KIF14: variants seen among roughly 807,000 people sequenced by gnomAD.
KIF14 encodes kinesin-like protein KIF14.
In KIF14, 98 loss-of-function variants were observed where a neutral mutation model predicts 176.2. That is an observed-to-expected ratio of 0.56 (90% CI 0.47 to 0.66). The LOEUF is 0.66. Among genes scored for constraint, KIF14 ranks in the 30% least tolerant of loss-of-function variants. KIF14 has a pLI of 0.00. For synonymous variants in KIF14, 566 were observed against 632.2 expected (o/e 0.90, Z 1.57); for missense variants, 1,751 against 1,920.4 (o/e 0.91, Z 1.65).
At chr1:200,581,765 T>C (rs888088862) in intron 19 of KIF14, among the ~76,000 whole-genome samples, 2 of 142,980 alleles carry the variant, frequency 1.4e-5, no homozygotes, top group East Asian at 2.0e-4. Context: ...ACTTTCCTTT[T>C]TTTTTTTTTT....
At chr1:200,596,122 C>T (rs1400502329) in intron 14 of KIF14, among the ~76,000 whole-genome samples, 1 of 151,742 alleles carries the variant, frequency 6.6e-6, no homozygotes, top group East Asian at 1.9e-4. Context: ...GGCGTGGTAA[C>T]AGACATCTGC....
intron 27 of KIF14, among the ~76,000 whole-genome samples, chr1:200,557,244 C>A (rs767158392): frequency 2.0e-5 from 3 of 152,106 alleles, no homozygotes; most frequent in Admixed American, 6.6e-5. Context: ...TCTCGTGATC[C>A]GCCCACCTTG....
chr1:200,608,984 C>T, intron 4 of KIF14, 56 bp from the exon 5 acceptor site: 2 of 1,006,434 alleles, frequency 2.0e-6, no homozygotes, highest in Non-Finnish European at 3.0e-6. Context: ...CAAATCATAT[C>T]TGTGGTTAGG....
intron 12 of KIF14, 50 bp from the exon 13 acceptor site, chr1:200,600,163 A>AG (rs1165462011): frequency 7.3e-7 from 1 of 1,363,210 alleles, no homozygotes; most frequent in African/African-American, 1.5e-5. Flanking sequence ...CAGATGTATA[A>AG]GATTGAGAGT....
chr1:200,610,349 A>T (rs1477783689), intron 4 of KIF14, among the ~76,000 whole-genome samples: 1 of 151,874 alleles, frequency 6.6e-6, no homozygotes, highest in East Asian at 1.9e-4. Context: ...ACAAAATACA[A>T]AATACAAAAA....
rs936897839 is a variant in KIF14 at position 200,589,278 on chromosome 1, A to G, written c.3053T>C (p.Leu1018Pro). Residue 1018 changes from leucine (L) to proline (P), a missense_variant, in exon 18 of 30, where the codon CTT becomes CCT. Physicochemically the swap from Leu to Pro is moderately conservative, Grantham distance 98. Transcript: ENST00000367350. ...IEELEKAKQHLEQEIYVNKKR... is the reference protein window; with the variant it reads ...IEELEKAKQHPEQEIYVNKKR... ...TTTGTTGACATATATTTCCTGTTCAAGATGCTGCTTTGCCTTTTCTAATTC... is the reference window on the plus strand; with the variant it reads ...TTTGTTGACATATATTTCCTGTTCAGGATGCTGCTTTGCCTTTTCTAATTC... 1.2e-6 allele frequency: 2 copies of G among 1,611,974 alleles called. No homozygotes were observed. The highest frequency in any genetic ancestry group is 2.7e-5 in the African/African-American group (2 of 74,864).
chr1:200,607,730 T>C (rs1170329723), intron 5 of KIF14, among the ~76,000 whole-genome samples: 3 of 151,660 alleles, frequency 2.0e-5, no homozygotes, highest in African/African-American at 7.3e-5. Context: ...TGAAATGGAG[T>C]CTTGCTCTGT....
intron 19 of KIF14, 62 bp from the exon 20 acceptor site, chr1:200,581,356 G>T (rs1031291916): frequency 2.5e-6 from 2 of 816,188 alleles, no homozygotes; most frequent in Non-Finnish European, 3.8e-6. Context: ...TATACCATTA[G>T]GCAAAACAAT....
In KIF14 at chr1:200,618,742, T is replaced by A; in HGVS notation, c.-19A>T. 1 of 1,561,482 alleles carries A rather than the reference T, an allele frequency of 6.4e-7. No homozygotes were observed. On this transcript the variant is annotated 5_prime_UTR_variant, in exon 2 of 30. The change creates a premature stop within an existing upstream ORF in the 5' untranslated region. Transcript: ENST00000367350. ...ATGACATTTTGGCAGACAGTTATTTTAAAAAAGAATGTTACTAAGACCCTA... is the reference window on the plus strand; with the variant it reads ...ATGACATTTTGGCAGACAGTTATTTAAAAAAAGAATGTTACTAAGACCCTA...
intron 5 of KIF14, among the ~76,000 whole-genome samples, chr1:200,607,741 C>G (rs1414693892): frequency 1.3e-5 from 2 of 151,986 alleles, no homozygotes; most frequent in African/African-American, 4.8e-5. Context: ...CTTGCTCTGT[C>G]GCCAGGCTGG....
At chr1:200,590,064 G>T (rs1658973422) in intron 17 of KIF14, 61 bp downstream of exon 17, 2 of 1,511,970 alleles carry the variant, frequency 1.3e-6, no homozygotes, top group Non-Finnish European at 8.9e-7. Context: ...AACTTTATAG[G>T]CAACACATCA....
chr1:200,611,530 C>T (rs368228657), intron 4 of KIF14, among the ~76,000 whole-genome samples: 12 of 152,100 alleles, frequency 7.9e-5, no homozygotes, highest in East Asian at 1.9e-4. Context: ...TCAATAAACA[C>T]GTAATAATGC....
chr1:200,618,439 T>C lies in KIF14; in HGVS notation c.285A>G (p.Thr95=). 6.2e-7 allele frequency: 1 copy of C among 1,614,206 alleles called. No individual in the cohort carries two copies. The highest frequency in any genetic ancestry group is 8.5e-7 in the Non-Finnish European group (1 of 1,180,016). Residue 95 remains threonine (T), a synonymous_variant, in exon 2 of 30, where the codon ACA becomes ACG. Coordinates refer to ENST00000367350, the MANE Select transcript of KIF14 (RefSeq NM_014875.3). ...CAAGCAAAGATGATTCTTTGTTCCTTGTAGTTCTCCTCTGAAGTGCCAATC... is the reference window on the plus strand; with the variant it reads ...CAAGCAAAGATGATTCTTTGTTCCTCGTAGTTCTCCTCTGAAGTGCCAATC... ...VGRLALQRRT[T]RNKESSLLVS...
intron 16 of KIF14, among the ~76,000 whole-genome samples, chr1:200,591,059 C>A (rs997791037): frequency 2.6e-5 from 4 of 151,038 alleles, no homozygotes; most frequent in South Asian, 2.1e-4. Flanking sequence ...AAAAAAAAAA[C>A]CACAAAACAA....
chr1:200,591,985 C>G, intron 16 of KIF14, 95 bp downstream of exon 16: 1 of 1,038,674 alleles, frequency 9.6e-7, no homozygotes, highest in Non-Finnish European at 1.4e-6. Flanking sequence ...AAACCAGCAC[C>G]CAAAGAGTTA....
rs778340978 is a variant in KIF14, at chr1:200,598,383, T to C, written c.2403A>G (p.Pro801=). 1.2e-6 allele frequency: 2 copies of C among 1,609,278 alleles called. No homozygotes were observed. The highest frequency in any genetic ancestry group is 8.5e-7 in the Non-Finnish European group (1 of 1,178,828). The change falls in exon 14 of 30, where the codon CCA becomes CCG. Residue 801 remains proline, a synonymous_variant. Coordinates refer to ENST00000367350, the MANE Select transcript of KIF14 (RefSeq NM_014875.3). ...GATCTTCATTCAGATTAACAAGGTT[T>C]GGTAAATGATTGTCCATTTGAAACA... is the stretch of plus-strand genomic sequence containing the variant. ...GIMFQMDNHL[P]NLVNLNEDPQ...
Position 200,589,276 on chromosome 1 carries a change from C to G in KIF14, c.3055G>C (p.Glu1019Gln). Residue 1019 changes from glutamate to glutamine, a missense_variant, in exon 18 of 30, where the codon GAA (glutamate) becomes CAA (glutamine). By Grantham distance (29) the Glu-to-Gln change is conservative. Coordinates refer to ENST00000367350, the MANE Select transcript of KIF14 (RefSeq NM_014875.3). ...TTTTTGTTGACATATATTTCCTGTT[C>G]AAGATGCTGCTTTGCCTTTTCTAAT... The part of the protein sequence containing the change: ...EELEKAKQHL[E>Q]QEIYVNKKRL... The G allele has an allele frequency of 1.2e-6, 2 of 1,611,880 alleles. No individual in the cohort carries two copies. Among genetic ancestry groups the G allele is most frequent in the Non-Finnish European group, 1.7e-6 (2 of 1,178,518 alleles).
chr1:200,601,128 C>T (rs939835824), intron 11 of KIF14, among the ~76,000 whole-genome samples: 6 of 152,150 alleles, frequency 3.9e-5, no homozygotes, highest in African/African-American at 1.4e-4. Context: ...AGTAGTCCGC[C>T]TGCGTTAGCC....
At chr1:200,567,158 C>G (rs1316527721) in intron 23 of KIF14, among the ~76,000 whole-genome samples, 2 of 144,472 alleles carry the variant, frequency 1.4e-5, no homozygotes, top group African/African-American at 2.6e-5. Flanking sequence ...GCAAAAAGAG[C>G]GAAACTCTGT....
Sources: gnomAD v4.1 joint callset for allele counts (sites outside exome capture counted in the v4.1 genomes callset) on GRCh38, gnomAD v4.1.1 for gene constraint, MANE v1.5 for transcripts, NCBI Gene and HGNC (gene_info 2026-07-23, HGNC 2026-07-21) for gene names.